MACROD2: variants seen among roughly 807,000 people sequenced by gnomAD.
MACROD2 encodes the protein ADP-ribose glycohydrolase MACROD2.
In MACROD2, 36 loss-of-function variants were observed where a neutral mutation model predicts 70.4. The ratio of observed to expected loss-of-function variants is 0.51; its 90% CI spans 0.39 to 0.68. MACROD2 has a LOEUF of 0.68. MACROD2 is among the 30% of genes least tolerant of loss of function. The pLI is 0.00. For synonymous variants in MACROD2, 172 were observed against 178.8 expected, an observed-to-expected ratio of 0.96 and a Z score of 0.30; for missense variants, 496 against 538.4, an observed-to-expected ratio of 0.92 and a Z score of 0.78.
At chr20:14,495,195 G>A (rs1600301800) in intron 4 of MACROD2, among the ~76,000 whole-genome samples, 1 of 49,184 alleles carries the variant, frequency 2.0e-5, no homozygotes, top group African/African-American at 1.8e-4. Context: ...TCTGTCTCAT[G>A]TAAAGGTAGT....
chr20:15,158,385 A>G (rs943023646), intron 5 of MACROD2, among the ~76,000 whole-genome samples: 5 of 152,180 alleles, frequency 3.3e-5, no homozygotes, highest in African/African-American at 1.2e-4. Flanking sequence ...TTCCCATCTT[A>G]TCCCCACAAA....
At chr20:14,896,633 G>C (rs949734277) in intron 5 of MACROD2, among the ~76,000 whole-genome samples, 1 of 149,966 alleles carries the variant, frequency 6.7e-6, no homozygotes, top group East Asian at 1.9e-4. Flanking sequence ...TATGGATTCA[G>C]GTAGATGAGT....
At chr20:14,016,168 G>T (rs1045233399) in intron 2 of MACROD2, among the ~76,000 whole-genome samples, 5 of 152,092 alleles carry the variant, frequency 3.3e-5, no homozygotes, top group African/African-American at 1.2e-4. Context: ...TTTTGGTTTT[G>T]GTTGTTTGTG....
intron 8 of MACROD2, among the ~76,000 whole-genome samples, chr20:15,644,324 G>C (rs985822917): frequency 1.3e-5 from 2 of 152,102 alleles, no homozygotes; most frequent in African/African-American, 4.8e-5. Flanking sequence ...ATCCCTCTCT[G>C]CAGGGATCTT....
intron 4 of MACROD2, among the ~76,000 whole-genome samples, chr20:14,534,668 T>TA (rs1335859841): frequency 6.6e-6 from 1 of 152,194 alleles, no homozygotes; most frequent in Non-Finnish European, 1.5e-5. Context: ...AAAATAGTTT[T>TA]AAAATAATTT....
chr20:14,842,678 C>G (rs1225765658), intron 5 of MACROD2, among the ~76,000 whole-genome samples: 1 of 152,108 alleles, frequency 6.6e-6, no homozygotes, highest in Admixed American at 6.5e-5. Flanking sequence ...ATTGTTGAGA[C>G]ATTTTTGATG....
chr20:15,762,735 T>C (rs370492206), intron 8 of MACROD2, among the ~76,000 whole-genome samples: 32 of 152,356 alleles, frequency 2.1e-4, no homozygotes, highest in African/African-American at 6.3e-4. Flanking sequence ...ACATGTAAGA[T>C]AAAACTGTTC....
chr20:14,980,560 T>C (rs1381476636), intron 5 of MACROD2, among the ~76,000 whole-genome samples: 1 of 152,234 alleles, frequency 6.6e-6, no homozygotes, highest in African/African-American at 2.4e-5. Flanking sequence ...ATTCTCATTT[T>C]GTAAATGAAG....
At chr20:14,255,523 C>T (rs960241727) in intron 3 of MACROD2, among the ~76,000 whole-genome samples, 56 of 135,014 alleles carry the variant, frequency 4.1e-4, no homozygotes, top group African/African-American at 1.4e-3. Context: ...CATCACACAC[C>T]GGGGCCTGTT....
At chr20:14,507,712 CAAT>C (rs1225665233) in intron 4 of MACROD2, among the ~76,000 whole-genome samples, 4 of 152,154 alleles carry the variant, frequency 2.6e-5, no homozygotes, top group Non-Finnish European at 5.9e-5. Flanking sequence ...AGTGCCACAA[CAAT>C]GAATCAATAG....
intron 3 of MACROD2, among the ~76,000 whole-genome samples, chr20:14,300,729 A>G (rs1251692180): frequency 1.3e-5 from 2 of 152,196 alleles, no homozygotes; most frequent in Middle Eastern, 3.2e-3. Flanking sequence ...TGTTTTCCAC[A>G]TCTGATTTCT....
intron 8 of MACROD2, among the ~76,000 whole-genome samples, chr20:15,859,374 A>G (rs1419021954): frequency 6.6e-6 from 1 of 152,180 alleles, no homozygotes; most frequent in African/African-American, 2.4e-5. Context: ...TGCTCAAGGA[A>G]TAACTGTAGA....
intron 3 of MACROD2, among the ~76,000 whole-genome samples, chr20:14,413,844 G>T (rs2083774729): frequency 6.6e-6 from 1 of 151,962 alleles, no homozygotes; most frequent in Non-Finnish European, 1.5e-5. Context: ...CCATTCACAG[G>T]ATGGGCAGAA....
chr20:14,992,888 A>G (rs1281320223), intron 5 of MACROD2, among the ~76,000 whole-genome samples: 2 of 152,210 alleles, frequency 1.3e-5, no homozygotes, highest in Non-Finnish European at 2.9e-5. Flanking sequence ...ATAAAAGTCC[A>G]TAACGATAGC....
chr20:14,822,193 A>G (rs2072853379), intron 5 of MACROD2, among the ~76,000 whole-genome samples: 2 of 152,050 alleles, frequency 1.3e-5, no homozygotes, highest in South Asian at 4.1e-4. Flanking sequence ...TGGGAATGTG[A>G]TATCACTTAT....
intron 12 of MACROD2, among the ~76,000 whole-genome samples, chr20:15,948,787 C>T (rs1172005810): frequency 6.6e-6 from 1 of 152,022 alleles, no homozygotes; most frequent in Non-Finnish European, 1.5e-5. Flanking sequence ...ATTACTTTTC[C>T]TTACTAATTA....
chr20:14,154,579 TTTTTTTGG>T (rs2055071196), intron 3 of MACROD2, among the ~76,000 whole-genome samples: 1 of 53,500 alleles, frequency 1.9e-5, no homozygotes, highest in African/African-American at 6.7e-5. Context: ...TTTTTTTTTT[TTTTTTTGG>T]ATTTTTAGTA....
At chr20:15,859,912 G>T (rs1329446425) in intron 8 of MACROD2, among the ~76,000 whole-genome samples, 2 of 152,128 alleles carry the variant, frequency 1.3e-5, no homozygotes, top group Non-Finnish European at 2.9e-5. Flanking sequence ...GAGGCAGGCA[G>T]ATCACGAGGT....
intron 5 of MACROD2, among the ~76,000 whole-genome samples, chr20:15,069,705 A>G (rs948776099): frequency 2.6e-5 from 4 of 152,240 alleles, no homozygotes; most frequent in Non-Finnish European, 5.9e-5. Context: ...TGTGTTGCGA[A>G]GTCTGCAAGC....
Sources: gnomAD v4.1 joint callset for allele counts (sites outside exome capture counted in the v4.1 genomes callset) on GRCh38, gnomAD v4.1.1 for gene constraint, MANE v1.5 for transcripts, NCBI Gene and HGNC (gene_info 2026-07-23, HGNC 2026-07-21) for gene names.